Variants in RORA observed in about 807,000 individuals in gnomAD.
The protein encoded by RORA is RAR related orphan receptor A.
Under a neutral mutation model 69.5 loss-of-function variants are expected in RORA, and 7 were observed. The ratio of observed to expected loss-of-function variants is 0.10; its 90% confidence interval spans 0.06 to 0.19. The LOEUF (loss-of-function observed/expected upper bound fraction) is 0.19, where lower values mean the gene tolerates loss of function less well. Among genes scored for constraint, RORA ranks in the 10% least tolerant of loss-of-function variants. The probability of loss-of-function intolerance (pLI) is 1.00; values close to 1 mark genes in which losing one functional copy is unlikely to be tolerated. For missense variants in RORA, 457 were observed against 663.0 expected (o/e 0.69, Z 3.41); for synonymous variants, 261 against 240.8 (o/e 1.08, Z -0.78).
At chr15:61,068,686 G>T (rs1442645173) in intron 1 of RORA, among the ~76,000 whole-genome samples, 1 of 152,152 alleles carries the variant, frequency 6.6e-6, no homozygotes, top group Non-Finnish European at 1.5e-5. Flanking sequence ...GGATTTCTTT[G>T]CTCACATCAG....
intron 1 of RORA, among the ~76,000 whole-genome samples, chr15:60,978,077 A>C (rs1893927980): frequency 1.3e-5 from 2 of 152,140 alleles, no homozygotes; most frequent in Non-Finnish European, 2.9e-5. Flanking sequence ...ATTCCCACAA[A>C]CAATGATTAC....
chr15:61,104,852 G>T (rs1359983003), intron 1 of RORA, among the ~76,000 whole-genome samples: 1 of 152,140 alleles, frequency 6.6e-6, no homozygotes, highest in Admixed American at 6.5e-5. Flanking sequence ...CCATTGGGAG[G>T]TAATTGAATC....
intron 1 of RORA, among the ~76,000 whole-genome samples, chr15:61,134,863 T>C (rs1358643747): frequency 6.6e-6 from 1 of 152,094 alleles, no homozygotes; most frequent in Admixed American, 6.5e-5. Context: ...CCCAATCTTC[T>C]ACTTACTACC....
At chr15:61,125,251 A>T (rs1648247630) in intron 1 of RORA, among the ~76,000 whole-genome samples, 1 of 152,218 alleles carries the variant, frequency 6.6e-6, no homozygotes, top group South Asian at 2.1e-4. Flanking sequence ...TAAGGATACT[A>T]AAAAACGTGA....
chr15:61,025,098 G>A (rs968649982), intron 1 of RORA, among the ~76,000 whole-genome samples: 1 of 152,112 alleles, frequency 6.6e-6, no homozygotes, highest in Non-Finnish European at 1.5e-5. Flanking sequence ...CAAACAGACA[G>A]GACGCAAACC....
intron 2 of RORA, among the ~76,000 whole-genome samples, chr15:60,555,671 A>G (rs2067336720): frequency 6.6e-6 from 1 of 152,090 alleles, no homozygotes; most frequent in African/African-American, 2.4e-5. Flanking sequence ...CTAAGAATGA[A>G]GTGGTCTTGT....
At chr15:60,562,120 AT>A (rs1397676855) in intron 2 of RORA, among the ~76,000 whole-genome samples, 3 of 151,486 alleles carry the variant, frequency 2.0e-5, no homozygotes, top group Non-Finnish European at 4.4e-5. Context: ...CTAATTTTGT[AT>A]TTTTAGTTTC....
chr15:60,773,069 G>A lies in RORA; in HGVS notation c.167-94383C>T, dbSNP rs116163395. 8.9e-3 allele frequency among the ~76,000 whole-genome samples: 1,351 copies of A among 152,240 alleles called. 22 individuals are homozygous for A. Among genetic ancestry groups the A allele is most frequent in the African/African-American group, 0.032 (1,311 of 41,538 alleles). On this transcript the variant is annotated intron_variant, in intron 1 of 10. Coordinates refer to ENST00000335670, the MANE Select transcript of RORA (RefSeq NM_134261.3). ...TAAAATGGGAGACCCAGACTCTCTT[G>A]GCCTCTAAGGAAGGGGCTCTTTATT...
intron 1 of RORA, among the ~76,000 whole-genome samples, chr15:60,707,456 C>T (rs1033700960): frequency 7.2e-5 from 11 of 151,798 alleles, no homozygotes; most frequent in East Asian, 3.9e-4. Context: ...CTCCGCCTCC[C>T]GGGTTCACGC....
rs544085580 is a variant in RORA, at chr15:61,024,780, G to A, written c.166+204273C>T. On this transcript the variant is annotated intron_variant, in intron 1 of 10. Transcript: ENST00000335670. ...TACATTTTGTATTTTTTATAGAGAT[G>A]GGAGTCTCCCAATGTTGCCCAGGCT... 7.2e-4 allele frequency among the ~76,000 whole-genome samples: 109 copies of A among 151,794 alleles called. 1 individual carries two copies. Among genetic ancestry groups the A allele is most frequent in the African/African-American group, 2.5e-3 (102 of 41,396 alleles).
At chr15:60,532,508 T>C (rs749999098) in intron 2 of RORA, among the ~76,000 whole-genome samples, 1 of 152,206 alleles carries the variant, frequency 6.6e-6, no homozygotes, top group Non-Finnish European at 1.5e-5. Context: ...GGAAATTTAG[T>C]TCCTGGTACA....
intron 1 of RORA, among the ~76,000 whole-genome samples, chr15:61,063,986 G>A (rs1456747627): frequency 6.6e-6 from 1 of 152,116 alleles, no homozygotes; most frequent in African/African-American, 2.4e-5. Context: ...GCTCTTTCTC[G>A]CTTCAGAATA....
chr15:61,053,436 G>A (rs1212506383), intron 1 of RORA, among the ~76,000 whole-genome samples: 1 of 152,068 alleles, frequency 6.6e-6, no homozygotes. Flanking sequence ...AACCCCTTGG[G>A]CAGCAGAGAA....
chr15:61,156,629 A>C (rs2079446873), intron 1 of RORA, among the ~76,000 whole-genome samples: 1 of 152,214 alleles, frequency 6.6e-6, no homozygotes, highest in South Asian at 2.1e-4. Flanking sequence ...AAAGTTCTGG[A>C]AGCTACAGCA....
intron 1 of RORA, among the ~76,000 whole-genome samples, chr15:61,206,289 T>A (rs2079940773): frequency 6.6e-6 from 1 of 152,182 alleles, no homozygotes; most frequent in Non-Finnish European, 1.5e-5. Context: ...TATTTCTATA[T>A]CATGGCCACC....
chr15:60,640,992 G>A (rs147308699), intron 2 of RORA, among the ~76,000 whole-genome samples: 153 of 152,154 alleles, frequency 1.0e-3, no homozygotes, highest in Non-Finnish European at 1.9e-3. Flanking sequence ...TCGCTCTATT[G>A]CCCAGGTGGT....
At chr15:60,831,964 C>T (rs1305766414) in intron 1 of RORA, among the ~76,000 whole-genome samples, 1 of 152,170 alleles carries the variant, frequency 6.6e-6, no homozygotes, top group Admixed American at 6.5e-5. Context: ...TACAACCTGA[C>T]CTTCTGGGAC....
chr15:60,637,757 C>G (rs917007911), intron 2 of RORA, among the ~76,000 whole-genome samples: 1 of 152,116 alleles, frequency 6.6e-6, no homozygotes, highest in Non-Finnish European at 1.5e-5. Context: ...CAGCACTTTA[C>G]TGATCTCTTT....
chr15:60,511,388 T>C lies in RORA; in HGVS notation c.658A>G (p.Ser220Gly). 1 of 1,614,210 alleles carries C rather than the reference T, an allele frequency of 6.2e-7. No homozygotes were observed. The highest frequency in any genetic ancestry group is 2.2e-5 in the East Asian group (1 of 44,884). ...EGSKADSAVS[S>G]FYLDIQPSPD... is the part of the protein sequence containing the mutation. ...GAAGGCTGTATGTCCAGGTAGAAGC[T>C]GCTGACGGCGGAGTCTGCCTTACTC... The change falls in exon 5 of 11, where the codon AGC becomes GGC. Residue 220 changes from serine (S) to glycine (G), a missense_variant. By Grantham distance (56) the Ser-to-Gly change is moderately conservative. This residue lies in a region of RORA where 304 missense variants were observed against 447.4 expected (regional missense o/e 0.68). Coordinates refer to ENST00000335670, the MANE Select transcript of RORA (RefSeq NM_134261.3). This position sits in a 1 kb window ranked among gnomAD's most constrained non-coding sequence, Gnocchi z 6.4.
Sources: allele counts gnomAD v4.1 joint callset (sites outside exome capture counted in the v4.1 genomes callset), GRCh38; gene constraint gnomAD v4.1.1; regional missense constraint gnomAD v4.1.1; non-coding constraint Gnocchi (gnomAD v3.1); transcripts MANE v1.5; gene names NCBI Gene and HGNC (gene_info 2026-07-23, HGNC 2026-07-21).